ZNF793: variants seen among roughly 807,000 people sequenced by gnomAD.
ZNF793 encodes zinc finger protein 793.
Under a neutral mutation model 12.4 loss-of-function variants are expected in ZNF793, and 5 were observed. The ratio of observed to expected loss-of-function variants is 0.40; its 90% CI spans 0.21 to 0.84. The LOEUF (loss-of-function observed/expected upper bound fraction) is 0.84, where lower values mean the gene tolerates loss of function less well. ZNF793 is among the 40% of genes least tolerant of loss of function. ZNF793 has a pLI of 0.35. For missense variants in ZNF793, 456 were observed against 495.0 expected (o/e 0.92, Z 0.75); for synonymous variants, 162 against 172.4 (o/e 0.94, Z 0.47).
At chr19:37,520,984 C>T (rs920591777) in intron 3 of ZNF793, among the ~76,000 whole-genome samples, 4 of 151,346 alleles carry the variant, frequency 2.6e-5, no homozygotes, top group African/African-American at 9.7e-5. Context: ...CCACCATGCC[C>T]GGCTAATTTT....
At chr19:37,533,545 C>G in intron 7 of ZNF793, 142 bp downstream of exon 7, 3 of 660,360 alleles carry the variant, frequency 4.5e-6, no homozygotes, top group South Asian at 1.8e-5. Context: ...CCATGCAACC[C>G]CACCGCCCAT....
rs942958161 is a variant in ZNF793 at position 37,538,207 on chromosome 19, G to A, written c.*328G>A. 1.2e-4 allele frequency: 26 copies of A among 214,720 alleles called. No individual in the cohort carries two copies. The highest frequency in any genetic ancestry group is 8.7e-4 in the Admixed American group (17 of 19,452). The allele number at this position is 214,720 out of a possible 1,614,324, so 13.3% of individuals were successfully genotyped here. ...TGGGATTACAGGCGTGAGCCACCGC[G>A]CCTGGCCGGTATGTAGGGAATTTAT... On this transcript the variant is annotated 3_prime_UTR_variant, in exon 8 of 8. Coordinates refer to ENST00000627814, the MANE Select transcript of ZNF793 (RefSeq NM_001013659.3).
chr19:37,536,755 C>T, intron 7 of ZNF793, 142 bp from the exon 8 acceptor site: 1 of 844,574 alleles, frequency 1.2e-6, no homozygotes, highest in African/African-American at 1.7e-5. Context: ...ATCCTCTTTA[C>T]TCATAGAACA....
intron 2 of ZNF793, among the ~76,000 whole-genome samples, chr19:37,519,380 G>A (rs531146913): frequency 6.6e-6 from 1 of 152,256 alleles, no homozygotes; most frequent in East Asian, 1.9e-4. Flanking sequence ...AAGCCAAAAA[G>A]ACCATTTTAA....
intron 5 of ZNF793, among the ~76,000 whole-genome samples, chr19:37,528,995 C>T (rs1015088767): frequency 6.6e-6 from 1 of 152,102 alleles, no homozygotes; most frequent in Non-Finnish European, 1.5e-5. Flanking sequence ...GCACAACAGC[C>T]TCCTCTTTGT....
chr19:37,508,165 A>T (rs958526995), intron 1 of ZNF793, 100 bp from the exon 2 acceptor site: 2 of 152,200 alleles, frequency 1.3e-5, no homozygotes, highest in African/African-American at 2.4e-5. Flanking sequence ...ATTTGAAAGG[A>T]TCGCGTGCTA....
At chr19:37,528,957 A>T (rs2042436778) in intron 5 of ZNF793, among the ~76,000 whole-genome samples, 1 of 151,864 alleles carries the variant, frequency 6.6e-6, no homozygotes, top group African/African-American at 2.4e-5. Context: ...CAAAACCCAC[A>T]TGTCCACGTG....
Position 37,538,034 on chromosome 19 carries a change from C to T in ZNF793, c.*155C>T. On this transcript the variant is annotated 3_prime_UTR_variant, in exon 8 of 8. Transcript: ENST00000627814. ...TCACGCCATTCTCCTGCCTCAGCCT[C>T]CCGAGTAGCTGGGACTACAGGTGCC... 1 of 918,932 alleles carries T rather than the reference C, an allele frequency of 1.1e-6. No homozygotes were observed. Among genetic ancestry groups the T allele is most frequent in the South Asian group, 1.9e-5 (1 of 53,274 alleles). 56.9% of individuals were successfully genotyped at this position (918,932 alleles called of 1,614,324 possible). A position where few individuals can be genotyped will look rare whatever the true frequency, so the allele number is the denominator to read the frequency against.
intron 5 of ZNF793, among the ~76,000 whole-genome samples, chr19:37,526,420 C>T (rs1034607748): frequency 1.3e-5 from 2 of 152,114 alleles, no homozygotes. Flanking sequence ...GCCACAACTT[C>T]AGTGATTGCT....
rs553421764 is a variant in ZNF793 at position 37,525,140 on chromosome 19, CT to C, written c.15+1700del. On this transcript the variant is annotated intron_variant, in intron 5 of 7. Transcript: ENST00000627814. The stretch of plus-strand genomic sequence containing the variant: ...CAAATGATTTCTTTCTGTTTTCTCT[CT>C]TTTTTTTTTTTTTGAGTTGGAGTCT... Among the ~76,000 whole-genome samples the C allele has an allele frequency of 3.5e-3, 509 of 143,636 alleles. 2 individuals carry two copies. The highest frequency in any genetic ancestry group is 0.016 in the South Asian group (70 of 4,462). The allele number at this position is 143,636 out of a possible 152,430, so 94.2% of individuals were successfully genotyped here.
chr19:37,537,855 C>T lies in ZNF793; in HGVS notation c.1197C>T (p.Asn399=), dbSNP rs759938386. The T allele has an allele frequency of 6.3e-7, 1 of 1,595,958 alleles. No homozygotes were observed. The highest frequency in any genetic ancestry group is 8.6e-7 in the Non-Finnish European group (1 of 1,168,464). Residue 399 remains asparagine, a synonymous_variant, in exon 8 of 8, where the codon AAC becomes AAT. Transcript: ENST00000627814. ...GGAAGAATGCCTACAGGAATGAAAA[C>T]TTAATAATTGTGGGAAATACTTGAG... ...HARKNAYRNE[N]LIIVGNT
At chr19:37,535,913 CATG>C (rs1875554130) in intron 7 of ZNF793, 1 of 152,226 alleles carries the variant, frequency 6.6e-6, no homozygotes, top group African/African-American at 2.4e-5. Flanking sequence ...TAATAACTGT[CATG>C]ATCTCAAAGA....
At chr19:37,513,227 A>G (rs764484202) in intron 2 of ZNF793, among the ~76,000 whole-genome samples, 3 of 152,162 alleles carry the variant, frequency 2.0e-5, no homozygotes, top group Non-Finnish European at 2.9e-5. Context: ...ATATTTTGAG[A>G]TCATGTAATT....
intron 7 of ZNF793, 77 bp downstream of exon 7, chr19:37,533,480 T>A: frequency 7.4e-7 from 1 of 1,347,424 alleles, no homozygotes; most frequent in Non-Finnish European, 1.1e-6. Context: ...ATTCTTCTCT[T>A]AAAAGCCTTG....
chr19:37,520,511 GA>G (rs2042367020), intron 3 of ZNF793, among the ~76,000 whole-genome samples, 199 bp downstream of exon 3: 1 of 152,176 alleles, frequency 6.6e-6, no homozygotes, highest in Non-Finnish European at 1.5e-5. Context: ...GACCAAACCT[GA>G]AGACGTTACT....
At chr19:37,509,675 A>G (rs952683875) in intron 2 of ZNF793, among the ~76,000 whole-genome samples, 2 of 152,186 alleles carry the variant, frequency 1.3e-5, no homozygotes, top group Admixed American at 6.6e-5. Context: ...TCCCTTCACC[A>G]CCTATACTGT....
chr19:37,506,685 G>A (rs1340523253), upstream of ZNF793: 7 of 152,216 alleles, frequency 4.6e-5, no homozygotes, highest in East Asian at 1.3e-3. Context: ...GAGCAGAGAC[G>A]ACATCTCTGT....
At chr19:37,532,503 C>T in intron 6 of ZNF793, 21 bp downstream of exon 6, 6 of 1,571,098 alleles carry the variant, frequency 3.8e-6, no homozygotes, top group Non-Finnish European at 5.2e-6. Context: ...CCTCACCATA[C>T]AATGCAGATT....
At chr19:37,510,865 T>C (rs1243457814) in intron 2 of ZNF793, among the ~76,000 whole-genome samples, 1 of 151,478 alleles carries the variant, frequency 6.6e-6, no homozygotes, top group Non-Finnish European at 1.5e-5. Context: ...CCCAGCTACT[T>C]TTTTGTATTT....
Sources: gnomAD v4.1 joint callset for allele counts (sites outside exome capture counted in the v4.1 genomes callset) on GRCh38, gnomAD v4.1.1 for gene constraint, MANE v1.5 for transcripts, NCBI Gene and HGNC (gene_info 2026-07-23, HGNC 2026-07-21) for gene names.